Variants in MKLN1 observed in about 807,000 individuals in gnomAD.
The protein encoded by MKLN1 is muskelin.
A neutral mutation model predicts 99.0 loss-of-function variants in MKLN1; 18 were observed. The observed-to-expected ratio is 0.18, with a 90% CI of 0.13 to 0.27. The LOEUF (loss-of-function observed/expected upper bound fraction) is 0.27. Among genes scored for constraint, MKLN1 ranks in the 10% least tolerant of loss-of-function variants. The pLI is 1.00. For synonymous variants in MKLN1, 288 were observed against 293.2 expected, an observed-to-expected ratio of 0.98 and a Z score of 0.18; for missense variants, 621 against 875.9, an observed-to-expected ratio of 0.71 and a Z score of 3.67.
At chr7:131,265,649 C>T (rs1288422763) in intron 3 of MKLN1, among the ~76,000 whole-genome samples, 3 of 152,098 alleles carry the variant, frequency 2.0e-5, no homozygotes, top group Non-Finnish European at 2.9e-5. Flanking sequence ...GAATTCCCTC[C>T]TACCCAGCTT....
chr7:131,330,190 C>G (rs1436104127), intron 1 of MKLN1, among the ~76,000 whole-genome samples: 3 of 152,146 alleles, frequency 2.0e-5, no homozygotes, highest in Non-Finnish European at 4.4e-5. Flanking sequence ...CTTTACTTAC[C>G]TTTGCCCTAA....
At position 131,463,209 on chromosome 7, in the gene MKLN1, AT is replaced by A. The variant is rs1796568400; in HGVS notation, c.1526-5del. ...TATTTTCATCTTATTTTTTTCTTTAATTTGTAGTTCCAATGACAGGATTTAC... is the reference window on the plus strand; with the variant it reads ...TATTTTCATCTTATTTTTTTCTTTAATTGTAGTTCCAATGACAGGATTTAC... On this transcript the variant is annotated splice_polypyrimidine_tract_variant and splice_region_variant and intron_variant, in intron 12 of 17. Transcript: ENST00000352689. 1 of 1,597,250 alleles carries A rather than the reference AT, an allele frequency of 6.3e-7. No homozygotes were observed. Among genetic ancestry groups the A allele is most frequent in the African/African-American group, 1.4e-5 (1 of 74,060 alleles).
Position 131,384,743 on chromosome 7 carries a change from A to G in MKLN1, c.169-2377A>G. On this transcript the variant is annotated intron_variant, in intron 2 of 17. Coordinates refer to ENST00000352689, the MANE Select transcript of MKLN1 (RefSeq NM_013255.5). ...TAACCTGTGTTCATATATTCCTCCC[A>G]CTACTGCTACTACTGTGAATGAGCT... Among the ~76,000 whole-genome samples the G allele has an allele frequency of 1.3e-5, 2 of 152,218 alleles. 1 individual carries two copies.
At chr7:131,198,195 T>C (rs1287012714) in intron 2 of MKLN1, among the ~76,000 whole-genome samples, 1 of 152,170 alleles carries the variant, frequency 6.6e-6, no homozygotes, top group Non-Finnish European at 1.5e-5. Flanking sequence ...GTTGTCCAAG[T>C]CTATTCCTAA....
At chr7:131,431,730 T>G (rs2116443377) in intron 9 of MKLN1, among the ~76,000 whole-genome samples, 1 of 152,232 alleles carries the variant, frequency 6.6e-6, no homozygotes, top group South Asian at 2.1e-4. Flanking sequence ...AATAAAACAA[T>G]TTATTTATCT....
chr7:131,488,102 T>C lies in MKLN1; in HGVS notation c.*374T>C, dbSNP rs1242667825. 1 of 152,024 alleles carries C rather than the reference T, an allele frequency of 6.6e-6. No individual in the cohort carries two copies. The highest frequency in any genetic ancestry group is 1.5e-5 in the Non-Finnish European group (1 of 68,012). 9.4% of individuals were successfully genotyped at this position (152,024 alleles called of 1,614,324 possible). ...GGGGAAATAAGCACTATTAACAGAT[T>C]CAGCACTACAAGTATTTTGAATGTT... is the stretch of plus-strand genomic sequence containing the variant. On this transcript the variant is annotated 3_prime_UTR_variant, in exon 18 of 18. Coordinates refer to ENST00000352689, the MANE Select transcript of MKLN1 (RefSeq NM_013255.5).
chr7:131,466,489 G>T, intron 15 of MKLN1, 74 bp downstream of exon 15: 1 of 1,143,564 alleles, frequency 8.7e-7, no homozygotes, highest in Non-Finnish European at 1.2e-6. Flanking sequence ...TTAATAATGA[G>T]ACAGTGTAAA....
intron 4 of MKLN1, among the ~76,000 whole-genome samples, chr7:131,389,748 G>C (rs1160669843): frequency 6.6e-6 from 1 of 151,824 alleles, no homozygotes; most frequent in African/African-American, 2.4e-5. Flanking sequence ...ATTTAGCTGG[G>C]CGTGGTGGTA....
intron 12 of MKLN1, among the ~76,000 whole-genome samples, chr7:131,448,120 C>G (rs967466452): frequency 2.6e-5 from 4 of 151,994 alleles, no homozygotes; most frequent in Non-Finnish European, 4.4e-5. Flanking sequence ...CCCAGCTACT[C>G]GGGAGGCTGA....
At chr7:131,118,650 A>G (rs1795314991) in intron 1 of MKLN1, among the ~76,000 whole-genome samples, 1 of 152,222 alleles carries the variant, frequency 6.6e-6, no homozygotes, top group South Asian at 2.1e-4. Context: ...TGTGGGCTGT[A>G]CAGGAAGCAT....
At chr7:131,443,022 A>G (rs1270661449) in intron 10 of MKLN1, among the ~76,000 whole-genome samples, 1 of 152,212 alleles carries the variant, frequency 6.6e-6, no homozygotes, top group Non-Finnish European at 1.5e-5. Context: ...GAAGGGTTTT[A>G]TAAAAATAAA....
chr7:131,202,317 A>G (rs951884213), intron 2 of MKLN1, among the ~76,000 whole-genome samples: 5 of 151,800 alleles, frequency 3.3e-5, no homozygotes, highest in African/African-American at 9.7e-5. Flanking sequence ...GGGTTTCACC[A>G]TGTTGGCCAG....
intron 1 of MKLN1, among the ~76,000 whole-genome samples, chr7:131,360,789 C>A (rs1028962284): frequency 1.3e-5 from 2 of 152,118 alleles, no homozygotes; most frequent in African/African-American, 4.8e-5. Context: ...TATAGCTGTT[C>A]TTGCTGAAGA....
At chr7:131,402,273 A>G (rs558157093) in intron 6 of MKLN1, among the ~76,000 whole-genome samples, 1 of 152,184 alleles carries the variant, frequency 6.6e-6, no homozygotes, top group Non-Finnish European at 1.5e-5. Context: ...ATAAGAAGCA[A>G]TTTCTCATCC....
chr7:131,252,862 A>C (rs1202393906), intron 3 of MKLN1, among the ~76,000 whole-genome samples: 2 of 152,316 alleles, frequency 1.3e-5, no homozygotes, highest in East Asian at 3.9e-4. Context: ...GCCAGAGGGT[A>C]ATCTATTAAC....
intron 12 of MKLN1, among the ~76,000 whole-genome samples, chr7:131,459,615 T>C (rs1283744307): frequency 6.6e-6 from 1 of 152,236 alleles, no homozygotes; most frequent in African/African-American, 2.4e-5. Flanking sequence ...TTGATTTTTA[T>C]TCCTCTGTAT....
intron 3 of MKLN1, among the ~76,000 whole-genome samples, chr7:131,275,565 A>AT (rs1429291720): frequency 2.1e-3 from 14 of 6,604 alleles, no homozygotes; most frequent in East Asian, 0.017. Flanking sequence ...ATATATATAT[A>AT]TATTTTTTTT....
chr7:131,470,188 A>T (rs1457822253), intron 15 of MKLN1, among the ~76,000 whole-genome samples: 1 of 152,158 alleles, frequency 6.6e-6, no homozygotes, highest in Non-Finnish European at 1.5e-5. Flanking sequence ...TTTGTGTGAT[A>T]AACGATGATA....
In MKLN1 at chr7:131,335,177, A is replaced by G. The variant is rs564989448; in HGVS notation, c.98+7180A>G. ...TTTAACATCTTTGCACATTGGGAAG[A>G]TGTTTCAGTTAGAAAATTTTTTTGT... On this transcript the variant is annotated intron_variant, in intron 1 of 17. Coordinates refer to ENST00000352689, the MANE Select transcript of MKLN1 (RefSeq NM_013255.5). Among the ~76,000 whole-genome samples, 23 of 152,296 alleles carry G rather than the reference A, an allele frequency of 1.5e-4. No individual in the cohort carries two copies. The Middle Eastern group carries it at 0.01, about 68-fold the overall frequency.
Sources: gnomAD v4.1 joint callset for allele counts (sites outside exome capture counted in the v4.1 genomes callset) on GRCh38, gnomAD v4.1.1 for gene constraint, MANE v1.5 for transcripts, NCBI Gene and HGNC (gene_info 2026-07-23, HGNC 2026-07-21) for gene names.